The following LRRC4C variants were observed in gnomAD, a reference collection of about 807,000 sequenced individuals.
LRRC4C encodes leucine-rich repeat-containing protein 4C.
LRRC4C carries 5 observed loss-of-function variants against 33.6 expected under a neutral mutation model. The observed-to-expected ratio is 0.15, with a 90% confidence interval of 0.08 to 0.31. The LOEUF (loss-of-function observed/expected upper bound fraction) is 0.31. LRRC4C is among the 10% of genes least tolerant of loss of function. The probability of loss-of-function intolerance (pLI) is 1.00; values close to 1 mark genes in which losing one functional copy is unlikely to be tolerated. For missense variants in LRRC4C, 560 were observed against 796.7 expected (o/e 0.70, Z 3.58); for synonymous variants, 329 against 302.0 (o/e 1.09, Z -0.93).
chr11:41,184,885 T>A (rs1945621531), intron 1 of LRRC4C, among the ~76,000 whole-genome samples: 1 of 149,962 alleles, frequency 6.7e-6, no homozygotes, highest in Non-Finnish European at 1.5e-5. Context: ...ACAATCATGG[T>A]GGAAGGCAAA....
intron 2 of LRRC4C, among the ~76,000 whole-genome samples, chr11:40,730,215 C>T (rs999283801): frequency 1.3e-5 from 2 of 151,910 alleles, no homozygotes; most frequent in Non-Finnish European, 2.9e-5. Context: ...AACTAACCTG[C>T]ACACTGTGCA....
At chr11:41,175,477 G>T (rs891564699) in intron 1 of LRRC4C, among the ~76,000 whole-genome samples, 2 of 151,998 alleles carry the variant, frequency 1.3e-5, no homozygotes, top group African/African-American at 4.8e-5. Flanking sequence ...CCAGGCTGTT[G>T]GAACTTCAGT....
chr11:40,938,853 G>T (rs901078156), intron 1 of LRRC4C, among the ~76,000 whole-genome samples: 1 of 152,080 alleles, frequency 6.6e-6, no homozygotes, highest in African/African-American at 2.4e-5. Context: ...ACAATGTAAT[G>T]GTTCTGTCTT....
chr11:40,879,037 T>C (rs1359467713), intron 2 of LRRC4C, among the ~76,000 whole-genome samples: 1 of 152,116 alleles, frequency 6.6e-6, no homozygotes, highest in African/African-American at 2.4e-5. Flanking sequence ...ATGACGGACA[T>C]CTTTAAAAAC....
At chr11:41,355,051 C>G (rs1952111042) in intron 1 of LRRC4C, among the ~76,000 whole-genome samples, 1 of 152,064 alleles carries the variant, frequency 6.6e-6, no homozygotes, top group South Asian at 2.1e-4. Context: ...ACAGAGCAAA[C>G]AGACAACCTA....
chr11:40,616,907 T>TA (rs35938407), intron 3 of LRRC4C, among the ~76,000 whole-genome samples: 53 of 144,790 alleles, frequency 3.7e-4, no homozygotes, highest in South Asian at 8.6e-4. Context: ...ACTTAAAGTA[T>TA]AAAAAAAAAA....
chr11:40,589,936 G>A (rs1008489048), intron 3 of LRRC4C, among the ~76,000 whole-genome samples: 27 of 151,006 alleles, frequency 1.8e-4, no homozygotes, highest in Middle Eastern at 3.4e-3. Flanking sequence ...CAACTTTGGT[G>A]AATCTGACAA....
At chr11:41,157,020 G>A (rs890709938) in intron 1 of LRRC4C, among the ~76,000 whole-genome samples, 1 of 152,032 alleles carries the variant, frequency 6.6e-6, no homozygotes, top group African/African-American at 2.4e-5. Context: ...TCTGCCATGT[G>A]AAGAACAGCA....
At chr11:40,982,114 A>T (rs990037435) in intron 1 of LRRC4C, among the ~76,000 whole-genome samples, 1 of 152,238 alleles carries the variant, frequency 6.6e-6, no homozygotes, top group African/African-American at 2.4e-5. Flanking sequence ...GCATCAAGAA[A>T]CAATATCATG....
chr11:40,679,947 G>A (rs1054867076), intron 2 of LRRC4C, among the ~76,000 whole-genome samples: 5 of 152,110 alleles, frequency 3.3e-5, no homozygotes, highest in Non-Finnish European at 7.4e-5. Flanking sequence ...CACACACCTG[G>A]AACAGCCATG....
At chr11:40,585,441 TTGAG>T (rs1958679721) in intron 3 of LRRC4C, among the ~76,000 whole-genome samples, 2 of 151,954 alleles carry the variant, frequency 1.3e-5, no homozygotes, top group South Asian at 2.1e-4. Context: ...AAAAAAGACA[TTGAG>T]TGTGTTTACT....
At chr11:41,351,495 C>G (rs1307345051) in intron 1 of LRRC4C, among the ~76,000 whole-genome samples, 1 of 150,596 alleles carries the variant, frequency 6.6e-6, no homozygotes, top group East Asian at 2.0e-4. Flanking sequence ...CTCAAAGAAC[C>G]CCTGTGTGGT....
At chr11:40,728,519 G>A (rs1032531563) in intron 2 of LRRC4C, among the ~76,000 whole-genome samples, 15 of 150,854 alleles carry the variant, frequency 9.9e-5, no homozygotes, top group African/African-American at 2.9e-4. Context: ...CCAGCCTCTC[G>A]GAAGGCTGAG....
chr11:40,243,687 C>CTTTTT (rs1274780074), intron 4 of LRRC4C, among the ~76,000 whole-genome samples: 4 of 117,176 alleles, frequency 3.4e-5, no homozygotes, highest in Non-Finnish European at 5.1e-5. Flanking sequence ...AAACTTATAT[C>CTTTTT]TTTTTTTTTT....
chr11:41,147,820 C>T (rs1002088289), intron 1 of LRRC4C, among the ~76,000 whole-genome samples: 3 of 152,030 alleles, frequency 2.0e-5, no homozygotes, highest in South Asian at 2.1e-4. Context: ...AGTGGTGGCT[C>T]GGCTCGTGTC....
intron 2 of LRRC4C, among the ~76,000 whole-genome samples, chr11:40,766,913 G>A (rs1484410222): frequency 1.3e-5 from 2 of 151,344 alleles, no homozygotes; most frequent in Non-Finnish European, 3.0e-5. Context: ...AGGGAGGGAA[G>A]GAGGAGCCAG....
intron 1 of LRRC4C, among the ~76,000 whole-genome samples, chr11:41,107,811 C>T (rs555543154): frequency 1.3e-5 from 2 of 152,124 alleles, no homozygotes; most frequent in South Asian, 4.2e-4. Flanking sequence ...GTTGATGGCA[C>T]CTGTATTCCC....
intron 3 of LRRC4C, among the ~76,000 whole-genome samples, chr11:40,413,882 G>A (rs1950235026): frequency 6.6e-6 from 1 of 151,946 alleles, no homozygotes; most frequent in Admixed American, 6.6e-5. Context: ...TCATATCAGT[G>A]GCAGAACTAC....
intron 1 of LRRC4C, among the ~76,000 whole-genome samples, chr11:41,297,331 T>C (rs7938487): frequency 0.13 from 19,409 of 152,160 alleles, 1,373 homozygotes; most frequent in Middle Eastern, 0.23. Context: ...ATCAGAGAAA[T>C]TGGTCTATGG....
Sources: allele counts gnomAD v4.1 joint callset (sites outside exome capture counted in the v4.1 genomes callset), GRCh38; gene constraint gnomAD v4.1.1; transcripts MANE v1.5; gene names NCBI Gene and HGNC (gene_info 2026-07-23, HGNC 2026-07-21).